The following EYA1 variants were observed in gnomAD, a reference collection of about 807,000 sequenced individuals.
The protein encoded by EYA1 is protein phosphatase EYA1.
Under a neutral mutation model 82.0 loss-of-function variants are expected in EYA1, and 16 were observed. The observed-to-expected ratio is 0.20, with a 90% CI of 0.13 to 0.30. The LOEUF (loss-of-function observed/expected upper bound fraction) is 0.30. EYA1 is among the 10% of genes least tolerant of loss of function. The pLI is 1.00. For missense variants in EYA1, 633 were observed against 730.7 expected (o/e 0.87, Z 1.54); for synonymous variants, 261 against 264.4 (o/e 0.99, Z 0.12).
chr8:71,482,726 T>A (rs761431125), intron 2 of EYA1, among the ~76,000 whole-genome samples: 1 of 152,150 alleles, frequency 6.6e-6, no homozygotes, highest in Non-Finnish European at 1.5e-5. Context: ...ACATACACGA[T>A]AACATAGACA....
At chr8:71,462,876 G>T (rs1808474722) in intron 2 of EYA1, among the ~76,000 whole-genome samples, 1 of 152,146 alleles carries the variant, frequency 6.6e-6, no homozygotes, top group Admixed American at 6.5e-5. Context: ...TGGCACCATT[G>T]GCTGCACCTC....
chr8:71,511,626 T>C (rs1812601986), intron 2 of EYA1, among the ~76,000 whole-genome samples: 1 of 151,988 alleles, frequency 6.6e-6, no homozygotes, highest in African/African-American at 2.4e-5. Flanking sequence ...GATAACATGG[T>C]TAGAATCAAA....
intron 2 of EYA1, among the ~76,000 whole-genome samples, chr8:71,534,519 C>G (rs1306301757): frequency 6.6e-6 from 1 of 152,184 alleles, no homozygotes; most frequent in Non-Finnish European, 1.5e-5. Context: ...AATAGCAGTT[C>G]CTGCTTATTG....
At chr8:71,243,149 TTTGTTA>T (rs1812690151) in intron 12 of EYA1, among the ~76,000 whole-genome samples, 1 of 152,174 alleles carries the variant, frequency 6.6e-6, no homozygotes, top group African/African-American at 2.4e-5. Context: ...CTTCTTGATG[TTTGTTA>T]TTAACACCTA....
At chr8:71,224,285 C>T (rs1810303368) in intron 12 of EYA1, among the ~76,000 whole-genome samples, 1 of 152,176 alleles carries the variant, frequency 6.6e-6, no homozygotes, top group African/African-American at 2.4e-5. Context: ...AAACTAACAC[C>T]ATACTGCCAA....
At chr8:71,486,012 A>T (rs1272836473) in intron 2 of EYA1, among the ~76,000 whole-genome samples, 1 of 152,216 alleles carries the variant, frequency 6.6e-6, no homozygotes, top group Non-Finnish European at 1.5e-5. Context: ...ATAGAGTTTA[A>T]TTAGCACCAA....
At chr8:71,205,253 C>T (rs1409255697) in intron 17 of EYA1, among the ~76,000 whole-genome samples, 2 of 152,038 alleles carry the variant, frequency 1.3e-5, no homozygotes, top group African/African-American at 4.8e-5. Flanking sequence ...AAATAGTTCT[C>T]TGAAAATAAT....
At chr8:71,497,741 T>C (rs1261114835) in intron 2 of EYA1, among the ~76,000 whole-genome samples, 3 of 152,164 alleles carry the variant, frequency 2.0e-5, no homozygotes, top group African/African-American at 7.2e-5. Flanking sequence ...AAAATCAGTA[T>C]GTCAAAGAGA....
intron 17 of EYA1, among the ~76,000 whole-genome samples, chr8:71,208,114 C>T (rs1185435203): frequency 6.6e-6 from 1 of 152,148 alleles, no homozygotes; most frequent in African/African-American, 2.4e-5. Flanking sequence ...AAATTATGAA[C>T]CTCAGCCTGT....
At chr8:71,427,872 T>A (rs1563604311) in intron 2 of EYA1, among the ~76,000 whole-genome samples, 2 of 151,668 alleles carry the variant, frequency 1.3e-5, no homozygotes, top group African/African-American at 4.8e-5. Flanking sequence ...AATAAAAAAT[T>A]AGCCTGGTGT....
intron 2 of EYA1, among the ~76,000 whole-genome samples, chr8:71,436,975 G>T (rs1806056339): frequency 6.6e-6 from 1 of 151,240 alleles, no homozygotes; most frequent in South Asian, 2.1e-4. Context: ...CATCTTTACT[G>T]CATTCCTGGG....
intron 2 of EYA1, among the ~76,000 whole-genome samples, chr8:71,495,270 A>G (rs945118541): frequency 2.6e-5 from 4 of 152,238 alleles, no homozygotes; most frequent in Non-Finnish European, 5.9e-5. Flanking sequence ...ATAACAGCAA[A>G]TGAACTGTGG....
chr8:71,547,282 T>A (rs1464603066), intron 1 of EYA1, among the ~76,000 whole-genome samples: 1 of 152,176 alleles, frequency 6.6e-6, no homozygotes, highest in Non-Finnish European at 1.5e-5. Flanking sequence ...CGCACATGTC[T>A]AAGATGGCAA....
At chr8:71,446,367 G>T (rs936929125) in intron 2 of EYA1, among the ~76,000 whole-genome samples, 2 of 151,982 alleles carry the variant, frequency 1.3e-5, no homozygotes, top group Admixed American at 1.3e-4. Context: ...GCCTTCACAC[G>T]CTCACTATCT....
intron 2 of EYA1, among the ~76,000 whole-genome samples, chr8:71,397,958 T>A (rs936382168): frequency 2.6e-5 from 4 of 152,222 alleles, no homozygotes; most frequent in Non-Finnish European, 5.9e-5. Context: ...TTTCACATAG[T>A]TCCATATTTC....
chr8:71,509,385 T>A lies in EYA1; in HGVS notation c.33+26359A>T, dbSNP rs561158470. ...GGTTAACGTTTTATAATTCATGCAA[T>A]AAATTATTTATTTTAGGAACTACTT... is the stretch of plus-strand genomic sequence containing the variant. On this transcript the variant is annotated intron_variant, in intron 2 of 18. Transcript: ENST00000643681. Among the ~76,000 whole-genome samples the A allele has an allele frequency of 4.6e-4, 70 of 152,322 alleles. 1 individual carries two copies. In the South Asian group the frequency reaches 0.014, roughly 31 times the overall value.
At chr8:71,542,292 C>T (rs1222130839) in intron 1 of EYA1, among the ~76,000 whole-genome samples, 1 of 140,274 alleles carries the variant, frequency 7.1e-6, no homozygotes, top group Non-Finnish European at 1.6e-5. Context: ...TCATTCAGCA[C>T]CCACTTACAA....
chr8:71,201,236 A>T (rs981506171), intron 17 of EYA1, among the ~76,000 whole-genome samples: 4 of 151,242 alleles, frequency 2.6e-5, no homozygotes, highest in Non-Finnish European at 5.9e-5. Flanking sequence ...TTAAAAAAAA[A>T]AGAAAAAAAA....
chr8:71,244,565 CA>C (rs1812849084), intron 12 of EYA1, 37 bp downstream of exon 12: 1 of 1,054,788 alleles, frequency 9.5e-7, no homozygotes, highest in Non-Finnish European at 1.5e-6. Flanking sequence ...CACCTATTTT[CA>C]GACATGCAAA....
Sources: gnomAD v4.1 joint callset for allele counts (sites outside exome capture counted in the v4.1 genomes callset) on GRCh38, gnomAD v4.1.1 for gene constraint, MANE v1.5 for transcripts, NCBI Gene and HGNC (gene_info 2026-07-23, HGNC 2026-07-21) for gene names.